Variants in ADRA1A observed in about 807,000 individuals in gnomAD.
ADRA1A encodes the protein alpha-1A adrenergic receptor.
ADRA1A carries 31 observed loss-of-function variants against 29.6 expected under a neutral mutation model. The ratio of observed to expected loss-of-function variants is 1.05; its 90% CI spans 0.79 to 1.41. ADRA1A has a LOEUF of 1.41. Among genes scored for constraint, ADRA1A ranks in the 40% most tolerant of loss-of-function variants. The pLI, the probability that ADRA1A is intolerant of heterozygous loss-of-function variation, is 0.00. For missense variants in ADRA1A, 619 were observed against 601.1 expected, an observed-to-expected ratio of 1.03 and a Z score of -0.31; for synonymous variants, 311 against 254.3, an observed-to-expected ratio of 1.22 and a Z score of -2.12.
In ADRA1A at chr8:26,866,942, C is replaced by A; in HGVS notation, c.-693G>T. On this transcript the variant is annotated 5_prime_UTR_variant, in exon 1 of 3. Transcript: ENST00000380573. This position sits in a 1 kb window ranked among gnomAD's most constrained non-coding sequence, Gnocchi z 5.7. ...CCGGCCCCGGCGCACTCACCTGAAG[C>A]GCCGCTGCTGAGCCACCAGCTCGCG... 1.0e-6 allele frequency: 1 copy of A among 985,306 alleles called. No individual in the cohort carries two copies. Among genetic ancestry groups the A allele is most frequent in the Non-Finnish European group, 1.2e-6 (1 of 829,856 alleles). The allele number at this position is 985,306 out of a possible 1,614,324, so 61.0% of individuals were successfully genotyped here.
chr8:26,854,052 A>G (rs1176766635), intron 2 of ADRA1A: 1 of 151,298 alleles, frequency 6.6e-6, no homozygotes, highest in Non-Finnish European at 1.5e-5. Context: ...TGGCTTTGCT[A>G]TTCCATAGAA....
exon 3 of ADRA1A, chr8:26,756,690 A>G (rs780556323): frequency 1.6e-5 from 26 of 1,613,484 alleles, no homozygotes; most frequent in Middle Eastern, 3.3e-4. Context: ...GGGTCGCAGG[A>G]CCAGTGGTGG....
At chr8:26,781,835 T>C (rs931644553) in intron 2 of ADRA1A, among the ~76,000 whole-genome samples, 1 of 152,216 alleles carries the variant, frequency 6.6e-6, no homozygotes, top group Non-Finnish European at 1.5e-5. Flanking sequence ...GTGAGGCTTT[T>C]TCAGGACTGT....
chr8:26,859,103 C>T, intron 2 of ADRA1A: 1 of 1,289,644 alleles, frequency 7.8e-7, no homozygotes. Flanking sequence ...ACACTCATCC[C>T]TGCCCTGGTT....
chr8:26,806,433 G>A lies in ADRA1A; in HGVS notation c.884-35767C>T, dbSNP rs1039473927. Among the ~76,000 whole-genome samples, 1 of 152,022 alleles carries A rather than the reference G, an allele frequency of 6.6e-6. No homozygotes were observed. The highest frequency in any genetic ancestry group is 1.5e-5 in the Non-Finnish European group (1 of 68,014). On this transcript the variant is annotated intron_variant, in intron 2 of 2. Coordinates refer to ENST00000380573, the MANE Select transcript of ADRA1A (RefSeq NM_000680.4). This position sits in a 1 kb window ranked among gnomAD's most constrained non-coding sequence, Gnocchi z 4.6. ...AGGAAAAAAAAAGAGCATGATTCAAGTTTTCTGTGGCCTCTGGCTCAGTTG... is the reference window on the plus strand; with the variant it reads ...AGGAAAAAAAAAGAGCATGATTCAAATTTTCTGTGGCCTCTGGCTCAGTTG...
At chr8:26,795,003 T>A (rs13262413) in intron 2 of ADRA1A, among the ~76,000 whole-genome samples, 8,185 of 152,172 alleles carry the variant, frequency 0.054, 497 homozygotes, top group East Asian at 0.33. Context: ...TTGTATTTTT[T>A]AAAAAATCTT....
chr8:26,772,371 T>A (rs1477944563), intron 2 of ADRA1A, among the ~76,000 whole-genome samples: 1 of 152,196 alleles, frequency 6.6e-6, no homozygotes, highest in Non-Finnish European at 1.5e-5. Context: ...TCAGAGAAAT[T>A]GCAAAATAAC....
chr8:26,854,831 C>T (rs530931045), intron 2 of ADRA1A, among the ~76,000 whole-genome samples: 14 of 152,110 alleles, frequency 9.2e-5, no homozygotes, highest in African/African-American at 2.7e-4. Context: ...GCCCCACCCC[C>T]GAAATTCCTA....
intron 2 of ADRA1A, among the ~76,000 whole-genome samples, chr8:26,824,211 C>T (rs1810380081): frequency 6.6e-6 from 1 of 151,912 alleles, no homozygotes; most frequent in Admixed American, 6.6e-5. Context: ...GAAGAGCCAG[C>T]ATTTTTACAG....
At chr8:26,757,520 C>CA (rs569918637) in intron 2 of ADRA1A, among the ~76,000 whole-genome samples, 9 of 151,608 alleles carry the variant, frequency 5.9e-5, no homozygotes, top group South Asian at 2.1e-4. Flanking sequence ...TTTCCCCCAC[C>CA]CCCCACCTCT....
At position 26,796,560 on chromosome 8, in the gene ADRA1A, G is replaced by A. The variant is rs1376627180; in HGVS notation, c.884-25894C>T. On this transcript the variant is annotated intron_variant, in intron 2 of 2. Transcript: ENST00000380573. The surrounding 1 kb of genome is among the most constrained non-coding windows in gnomAD (Gnocchi z 5.0). The stretch of plus-strand genomic sequence containing the variant: ...ATGGTAATTCACAGCCTACAGTACC[G>A]TGAAGACAAGGAGGAAAGATTCGAG... 3.9e-5 allele frequency among the ~76,000 whole-genome samples: 6 copies of A among 152,058 alleles called. No individual in the cohort carries two copies. Among genetic ancestry groups the A allele is most frequent in the Non-Finnish European group, 8.8e-5 (6 of 68,016 alleles).
chr8:26,843,953 C>T (rs994869369), intron 2 of ADRA1A, among the ~76,000 whole-genome samples: 4 of 152,158 alleles, frequency 2.6e-5, no homozygotes, highest in African/African-American at 9.7e-5. Flanking sequence ...ATTTGTTTCC[C>T]TTTGTGTTTT....
Position 26,864,271 on chromosome 8 carries a change from C to T in ADRA1A, c.699G>A (p.Thr233=), listed in dbSNP as rs777710374. 7 of 1,614,018 alleles carry T rather than the reference C, an allele frequency of 4.3e-6. No homozygotes were observed. The African/African-American group carries it at 6.7e-5, about 15-fold the overall frequency. The change falls in exon 2 of 3, where the codon ACG becomes ACA. Residue 233 remains threonine, a synonymous_variant. Transcript: ENST00000380573. The surrounding 1 kb of genome is among the most constrained non-coding windows in gnomAD (Gnocchi z 8.1). ...KTDKSDSEQV[T]LRIHRKNAPA... is the part of the protein sequence containing the mutation. Reference sequence around the variant, plus strand: ...GGGCGTTTTTCCGATGGATGCGGAGCGTCACTTGCTCCGAGTCCGACTTGT... The same window carrying T: ...GGGCGTTTTTCCGATGGATGCGGAGTGTCACTTGCTCCGAGTCCGACTTGT...
intron 2 of ADRA1A, among the ~76,000 whole-genome samples, chr8:26,777,113 C>T (rs984153321): frequency 6.6e-6 from 1 of 152,202 alleles, no homozygotes; most frequent in Non-Finnish European, 1.5e-5. Flanking sequence ...CTACCAGATG[C>T]CTTTGTGCTG....
chr8:26,822,128 G>T (rs1810216777), intron 2 of ADRA1A, among the ~76,000 whole-genome samples: 1 of 152,194 alleles, frequency 6.6e-6, no homozygotes, highest in South Asian at 2.1e-4. Context: ...CTACTGGGTT[G>T]AATGGTAATT....
At chr8:26,786,216 C>T (rs7833368) in intron 2 of ADRA1A, among the ~76,000 whole-genome samples, 88,754 of 151,730 alleles carry the variant, frequency 0.58, 28,277 homozygotes, top group East Asian at 0.9. Flanking sequence ...GCCACCCTGA[C>T]CTCTTTTTTA....
At chr8:26,812,809 C>T (rs946019473) in intron 2 of ADRA1A, among the ~76,000 whole-genome samples, 126 of 151,730 alleles carry the variant, frequency 8.3e-4, no homozygotes, top group African/African-American at 2.8e-3. Context: ...GGATTACAGG[C>T]GCCCGCCACC....
downstream of ADRA1A, among the ~76,000 whole-genome samples, chr8:26,754,512 A>T (rs1563227022): frequency 1.3e-5 from 2 of 152,130 alleles, no homozygotes; most frequent in African/African-American, 2.4e-5. Flanking sequence ...CAATTGTTAA[A>T]GGTTACAGAA....
intron 2 of ADRA1A, among the ~76,000 whole-genome samples, chr8:26,782,658 G>T (rs1388161864): frequency 6.6e-6 from 1 of 152,142 alleles, no homozygotes; most frequent in Non-Finnish European, 1.5e-5. Flanking sequence ...GAAGATCAAG[G>T]TCAGGGCAGC....
Sources: gnomAD v4.1 joint callset for allele counts (sites outside exome capture counted in the v4.1 genomes callset) on GRCh38, gnomAD v4.1.1 for gene constraint, Gnocchi (gnomAD v3.1) non-coding constraint, MANE v1.5 for transcripts, NCBI Gene and HGNC (gene_info 2026-07-23, HGNC 2026-07-21) for gene names.